SCARB2: variants seen among roughly 807,000 people sequenced by gnomAD.
SCARB2 encodes lysosome membrane protein 2.
A neutral mutation model predicts 58.6 loss-of-function variants in SCARB2; 29 were observed. The observed-to-expected ratio is 0.49, with a 90% CI of 0.37 to 0.67. The LOEUF (loss-of-function observed/expected upper bound fraction) is 0.67, where lower values mean the gene tolerates loss of function less well. SCARB2 is among the 30% of genes least tolerant of loss of function. The pLI is 0.00. For missense variants in SCARB2, 488 were observed against 578.5 expected (o/e 0.84, Z 1.60); for synonymous variants, 195 against 210.1 (o/e 0.93, Z 0.62).
intron 1 of SCARB2, 23 bp from the exon 2 acceptor site, chr4:76,195,887 T>C: frequency 6.2e-7 from 1 of 1,600,842 alleles, no homozygotes; most frequent in Non-Finnish European, 8.5e-7. Context: ...CAAAAGGAGA[T>C]TTACAAAAAT....
At chr4:76,167,928 C>T (rs1732049617) in intron 9 of SCARB2, among the ~76,000 whole-genome samples, 1 of 152,124 alleles carries the variant, frequency 6.6e-6, no homozygotes, top group Non-Finnish European at 1.5e-5. Context: ...GATCCACCCA[C>T]CTTGGCCTCC....
chr4:76,213,324 G>A, intron 1 of SCARB2, 103 bp downstream of exon 1: 2 of 801,876 alleles, frequency 2.5e-6, no homozygotes, highest in Non-Finnish European at 4.3e-6. Flanking sequence ...CTAGCGCGGA[G>A]GGTCTGCCTG....
At chr4:76,194,511 A>G (rs1317256009) in intron 2 of SCARB2, 1 of 152,254 alleles carries the variant, frequency 6.6e-6, no homozygotes, top group Non-Finnish European at 1.5e-5. Flanking sequence ...CTCCAGAGTC[A>G]GAGCATGAGC....
intron 2 of SCARB2, among the ~76,000 whole-genome samples, chr4:76,184,473 G>A (rs369515249): frequency 7.9e-4 from 120 of 152,274 alleles, no homozygotes; most frequent in Non-Finnish European, 1.4e-3. Flanking sequence ...CAACCATTCC[G>A]CTTTCTGCTG....
chr4:76,163,707 C>T, intron 10 of SCARB2: 7 of 379,106 alleles, frequency 1.8e-5, no homozygotes, highest in South Asian at 1.6e-4. Context: ...CTCAGCATCA[C>T]TTCCTTCCAA....
At chr4:76,183,571 T>TA (rs200369972) in intron 2 of SCARB2, among the ~76,000 whole-genome samples, 1,581 of 152,320 alleles carry the variant, frequency 0.01, 81 homozygotes, top group Admixed American at 0.091. Context: ...GCAGGCTCGC[T>TA]ACTCTCCAGG....
chr4:76,232,279 G>C lies in SCARB2; in HGVS notation c.-358+2024C>G, dbSNP rs1465320039. ...AGTCCATTTAGTTAATTCTTGCTTT[G>C]GTTGATATTCGTGAACATTTCAGCT... On this transcript the variant is annotated intron_variant, in intron 1 of 11. Transcript: ENST00000638295. 3.3e-5 allele frequency among the ~76,000 whole-genome samples: 5 copies of C among 152,004 alleles called. No homozygotes were observed. In the South Asian group the frequency reaches 1.0e-3, roughly 32 times the overall value.
At chr4:76,209,594 C>A (rs1013445034) in intron 1 of SCARB2, among the ~76,000 whole-genome samples, 6 of 152,164 alleles carry the variant, frequency 3.9e-5, no homozygotes, top group African/African-American at 1.4e-4. Flanking sequence ...GTCTCGAACT[C>A]CCGACCTTGT....
chr4:76,181,046 CA>C lies in SCARB2; in HGVS notation c.330del (p.Ala111LeufsTer22). 1 of 1,613,720 alleles carries C rather than the reference CA, an allele frequency of 6.2e-7. No homozygotes were observed. The highest frequency in any genetic ancestry group is 8.5e-7 in the Non-Finnish European group (1 of 1,179,796). ...AAAACATAGGCCTTGTTGCTAACAG[CA>C]GATATTGTTGTTCCATTATCTCCAA... ...IQFGDNGTTI[S>X]AVSNKAYVFE... On this transcript the variant is annotated frameshift_variant, in exon 3 of 12. Transcript: ENST00000264896. LOFTEE classifies it high-confidence loss of function.
At chr4:76,232,431 A>G (rs1257208644) in intron 1 of SCARB2, among the ~76,000 whole-genome samples, 2 of 152,210 alleles carry the variant, frequency 1.3e-5, no homozygotes, top group East Asian at 3.8e-4. Context: ...AAAAGGATTA[A>G]AACAAGACAA....
At chr4:76,212,382 CA>C (rs1733067995) in intron 1 of SCARB2, among the ~76,000 whole-genome samples, 1 of 152,164 alleles carries the variant, frequency 6.6e-6, no homozygotes, top group African/African-American at 2.4e-5. Flanking sequence ...TTCAGGTACT[CA>C]CTTAATTACT....
At chr4:76,177,050 T>A (rs1219235510) in intron 4 of SCARB2, 1 of 152,802 alleles carries the variant, frequency 6.5e-6, no homozygotes, top group African/African-American at 2.4e-5. Flanking sequence ...AAAAATTTAA[T>A]CTTCATCTAA....
chr4:76,184,827 T>C, intron 2 of SCARB2: 1 of 356,038 alleles, frequency 2.8e-6, no homozygotes, highest in South Asian at 2.4e-5. Flanking sequence ...GAAAACTCAG[T>C]AAAAGACAGG....
intron 1 of SCARB2, among the ~76,000 whole-genome samples, chr4:76,226,749 A>G (rs1293640267): frequency 6.6e-6 from 1 of 152,198 alleles, no homozygotes; most frequent in Non-Finnish European, 1.5e-5. Flanking sequence ...TGATTTAATC[A>G]GGAGTGTTGT....
Position 76,219,151 on chromosome 4 carries a change from AAAAAAT to A in SCARB2, c.-358+15146_-358+15151del, listed in dbSNP as rs531854860. 4.2e-4 allele frequency among the ~76,000 whole-genome samples: 64 copies of A among 152,286 alleles called. 1 individual carries two copies. The East Asian group carries it at 8.7e-3, about 21-fold the overall frequency. ...GTAAAAGGAAAGCAGTGAAAATTGC[AAAAAAT>A]AAAAATAAAAATAAGCAATGGCACT... On this transcript the variant is annotated intron_variant, in intron 1 of 11. Coordinates refer to the SCARB2 transcript ENST00000638295.
intron 1 of SCARB2, among the ~76,000 whole-genome samples, chr4:76,224,024 C>T (rs1733352475): frequency 6.6e-6 from 1 of 152,178 alleles, no homozygotes; most frequent in Admixed American, 6.5e-5. Flanking sequence ...AACCAGGAGA[C>T]CTCCCCACAA....
chr4:76,224,898 C>T (rs1294139442), intron 1 of SCARB2, among the ~76,000 whole-genome samples: 2 of 152,054 alleles, frequency 1.3e-5, no homozygotes, highest in African/African-American at 4.8e-5. Flanking sequence ...TATCCCTCAC[C>T]CGCCTCCTAC....
intron 1 of SCARB2, among the ~76,000 whole-genome samples, chr4:76,205,789 C>T (rs771080555): frequency 6.6e-6 from 1 of 152,228 alleles, no homozygotes; most frequent in Admixed American, 6.5e-5. Flanking sequence ...TCCCCCATTT[C>T]TGTTAAACAC....
chr4:76,174,108 T>C (rs1325289998), intron 7 of SCARB2, 36 bp downstream of exon 7: 1 of 1,611,828 alleles, frequency 6.2e-7, no homozygotes, highest in East Asian at 2.2e-5. Context: ...TCTGCATTCT[T>C]GACACCCCTA....
Sources: gnomAD v4.1 joint callset for allele counts (sites outside exome capture counted in the v4.1 genomes callset) on GRCh38, gnomAD v4.1.1 for gene constraint, MANE v1.5 for transcripts, NCBI Gene and HGNC (gene_info 2026-07-23, HGNC 2026-07-21) for gene names.